Variants in TRPC7 observed in about 807,000 individuals in gnomAD.
TRPC7 encodes the protein transient receptor potential cation channel subfamily C member 7, also known as short transient receptor potential channel 7.
TRPC7 carries 42 observed loss-of-function variants against 90.1 expected under a neutral mutation model. That is an observed-to-expected ratio of 0.47 (90% confidence interval 0.36 to 0.60). TRPC7 has a LOEUF of 0.60. Among genes scored for constraint, TRPC7 ranks in the 20% least tolerant of loss-of-function variants. The probability of loss-of-function intolerance (pLI) is 0.00; values close to 1 mark genes in which losing one functional copy is unlikely to be tolerated. For missense variants in TRPC7, 955 were observed against 1,112.3 expected (o/e 0.86, Z 2.01); for synonymous variants, 451 against 436.3 (o/e 1.03, Z -0.42).
At chr5:136,258,195 T>C (rs1224263118) in intron 5 of TRPC7, among the ~76,000 whole-genome samples, 1 of 152,076 alleles carries the variant, frequency 6.6e-6, no homozygotes, top group Non-Finnish European at 1.5e-5. Context: ...TCTGCATGAG[T>C]CTTCTTAGAT....
chr5:136,302,914 C>T (rs908770435), intron 3 of TRPC7, among the ~76,000 whole-genome samples: 7 of 152,064 alleles, frequency 4.6e-5, no homozygotes, highest in South Asian at 4.2e-4. Context: ...CAACCCCAAG[C>T]GTCACTGAGT....
At chr5:136,300,154 A>G (rs1486314788) in intron 3 of TRPC7, among the ~76,000 whole-genome samples, 2 of 152,262 alleles carry the variant, frequency 1.3e-5, no homozygotes, top group Non-Finnish European at 2.9e-5. Flanking sequence ...TCCTGTCATG[A>G]CAACTCTTAC....
At chr5:136,263,797 T>G (rs914206903) in intron 5 of TRPC7, among the ~76,000 whole-genome samples, 3 of 152,116 alleles carry the variant, frequency 2.0e-5, no homozygotes, top group Non-Finnish European at 4.4e-5. Context: ...ACAAAAATAT[T>G]TACAGAATAA....
At chr5:136,336,062 C>T (rs1022666084) in intron 2 of TRPC7, among the ~76,000 whole-genome samples, 1 of 152,156 alleles carries the variant, frequency 6.6e-6, no homozygotes, top group African/African-American at 2.4e-5. Context: ...GGTCACACCT[C>T]TGCACATCCT....
rs1580980239 is a variant in TRPC7, at chr5:136,345,857, A to G, written c.780+10751T>C. ...AGTCTAACATTTAAGTCTTTAATCC[A>G]TCTTGAATTAATTTTTGTATAAGCT... On this transcript the variant is annotated intron_variant, in intron 2 of 11. Coordinates refer to ENST00000513104, the MANE Select transcript of TRPC7 (RefSeq NM_020389.3). Among the ~76,000 whole-genome samples, 3 of 152,248 alleles carry G rather than the reference A, an allele frequency of 2.0e-5. No individual in the cohort carries two copies. In the South Asian group the frequency reaches 6.2e-4, roughly 32 times the overall value.
chr5:136,301,079 G>A (rs1391073049), intron 3 of TRPC7, among the ~76,000 whole-genome samples: 4 of 152,120 alleles, frequency 2.6e-5, no homozygotes, highest in Non-Finnish European at 5.9e-5. Context: ...GCCCAGGCTG[G>A]AGTGCAGTGG....
intron 10 of TRPC7, among the ~76,000 whole-genome samples, chr5:136,222,659 C>T (rs1466632351): frequency 6.6e-6 from 1 of 152,208 alleles, no homozygotes; most frequent in African/African-American, 2.4e-5. Context: ...GCTTGGAAGG[C>T]TCAAATAGGT....
At chr5:136,327,338 G>T (rs1440519329) in intron 2 of TRPC7, among the ~76,000 whole-genome samples, 2 of 152,194 alleles carry the variant, frequency 1.3e-5, no homozygotes, top group African/African-American at 4.8e-5. Context: ...CTTGGAATTG[G>T]CAAGAAACAG....
At chr5:136,341,670 GA>G (rs979457929) in intron 2 of TRPC7, among the ~76,000 whole-genome samples, 1 of 152,132 alleles carries the variant, frequency 6.6e-6, no homozygotes, top group African/African-American at 2.4e-5. Context: ...TTAAAAAATT[GA>G]AAAGAAGATG....
chr5:136,242,276 C>T lies in TRPC7; in HGVS notation c.1844+5195G>A, dbSNP rs372625089. On this transcript the variant is annotated intron_variant, in intron 7 of 11. Coordinates refer to ENST00000513104, the MANE Select transcript of TRPC7 (RefSeq NM_020389.3). ...CATTTTTCCTTTCCTCACCTGTGGT[C>T]ATTTTCAGTTTCTAATAGAAGTGGC... Among the ~76,000 whole-genome samples the T allele has an allele frequency of 5.8e-4, 88 of 152,332 alleles. 3 individuals are homozygous for T. In the South Asian group the frequency reaches 0.018, roughly 31 times the overall value.
chr5:136,234,310 CT>C lies in TRPC7; in HGVS notation c.1845-2762del, dbSNP rs111485168. Among the ~76,000 whole-genome samples, 322 of 145,642 alleles carry C rather than the reference CT, an allele frequency of 2.2e-3. 1 individual carries two copies. Among genetic ancestry groups the C allele is most frequent in the African/African-American group, 5.9e-3 (235 of 40,022 alleles). ...CTTAGACAAACTATACATTTCTTTT[CT>C]TTTTTTTTTTTTCTGAGACAGAGTT... On this transcript the variant is annotated intron_variant, in intron 7 of 11. Coordinates refer to ENST00000513104, the MANE Select transcript of TRPC7 (RefSeq NM_020389.3).
chr5:136,355,355 T>C lies in TRPC7; in HGVS notation c.780+1253A>G, dbSNP rs140767495. ...TTAGATTAGAAAAATGGTTTCGCTA[T>C]TTACTAGCTATGTGATCCTCTCTCT... On this transcript the variant is annotated intron_variant, in intron 2 of 11. Transcript: ENST00000513104. Among the ~76,000 whole-genome samples the C allele has an allele frequency of 3.6e-3, 553 of 152,328 alleles. 3 individuals carry two copies. The highest frequency in any genetic ancestry group is 0.013 in the African/African-American group (531 of 41,578).
intron 2 of TRPC7, among the ~76,000 whole-genome samples, chr5:136,353,540 C>T (rs2149859324): frequency 6.6e-6 from 1 of 152,278 alleles, no homozygotes; most frequent in African/African-American, 2.4e-5. Context: ...CACTCTCTTG[C>T]TCTTTATTTT....
intron 3 of TRPC7, among the ~76,000 whole-genome samples, chr5:136,287,577 G>A (rs1033548310): frequency 7.2e-5 from 11 of 151,810 alleles, no homozygotes; most frequent in African/African-American, 2.7e-4. Flanking sequence ...CACCAGCCTG[G>A]CTCAGGGGTC....
rs758223220 is a variant in TRPC7 at position 136,315,814 on chromosome 5, A to C, written c.781-35T>G. 3 of 1,596,588 alleles carry C rather than the reference A, an allele frequency of 1.9e-6. No homozygotes were observed. In the African/African-American group the frequency reaches 4.0e-5, roughly 21 times the overall value. On this transcript the variant is annotated intron_variant, in intron 2 of 11. Transcript: ENST00000513104. The stretch of plus-strand genomic sequence containing the variant: ...TAGAGAGAAATCAGCGGTATGTCAC[A>C]TGGAGGCCCGCAGATTGGCTTGCCC...
intron 3 of TRPC7, among the ~76,000 whole-genome samples, chr5:136,299,058 G>A (rs1195186137): frequency 6.6e-6 from 1 of 152,040 alleles, no homozygotes; most frequent in East Asian, 1.9e-4. Context: ...CCAGCAATTT[G>A]GGAGGCCGAA....
chr5:136,277,899 G>T lies in TRPC7; in HGVS notation c.964-3062C>A, dbSNP rs923667201. On this transcript the variant is annotated intron_variant, in intron 3 of 11. Transcript: ENST00000513104. ...AGGGAAGAACTGATGTGACTGCCTA[G>T]ATTTTCCCAGCGACATGATTCATAT... Among the ~76,000 whole-genome samples, 4 of 152,334 alleles carry T rather than the reference G, an allele frequency of 2.6e-5. No homozygotes were observed. The East Asian group carries it at 7.7e-4, about 29-fold the overall frequency.
chr5:136,337,149 T>G (rs145017244), intron 2 of TRPC7, among the ~76,000 whole-genome samples: 1 of 152,188 alleles, frequency 6.6e-6, no homozygotes, highest in African/African-American at 2.4e-5. Context: ...TTTGGTTCCC[T>G]TACGTAACCT....
chr5:136,318,278 C>G (rs1339497040), intron 2 of TRPC7, among the ~76,000 whole-genome samples: 1 of 152,128 alleles, frequency 6.6e-6, no homozygotes, highest in Non-Finnish European at 1.5e-5. Flanking sequence ...CATAGGTGCC[C>G]TTTACATTTT....
Sources: gnomAD v4.1 joint callset for allele counts (sites outside exome capture counted in the v4.1 genomes callset) on GRCh38, gnomAD v4.1.1 for gene constraint, MANE v1.5 for transcripts, NCBI Gene and HGNC (gene_info 2026-07-23, HGNC 2026-07-21) for gene names.